Variants in ESRRG observed in about 807,000 individuals in gnomAD.
ESRRG encodes estrogen-related receptor gamma.
In ESRRG, 13 loss-of-function variants were observed where a neutral mutation model predicts 44.0. The observed-to-expected ratio is 0.30, with a 90% confidence interval of 0.19 to 0.47. The LOEUF (loss-of-function observed/expected upper bound fraction) is 0.47. ESRRG is among the 20% of genes least tolerant of loss of function. The pLI, the probability that ESRRG is intolerant of heterozygous loss-of-function variation, is 1.00. For missense variants in ESRRG, 395 were observed against 580.6 expected (o/e 0.68, Z 3.29); for synonymous variants, 215 against 214.6 (o/e 1.00, Z -0.02).
intron 3 of ESRRG, among the ~76,000 whole-genome samples, chr1:216,640,146 A>G (rs946317791): frequency 5.9e-5 from 9 of 152,142 alleles, no homozygotes; most frequent in African/African-American, 2.2e-4. Context: ...TGGCAGTGGC[A>G]GGTCCTGATA....
At chr1:217,137,594 C>G (rs1458247836) in intron 1 of ESRRG, 1 of 152,284 alleles carries the variant, frequency 6.6e-6, no homozygotes, top group African/African-American at 2.4e-5. Context: ...TAAGAGTTCT[C>G]AAAGACGGGG....
intron 1 of ESRRG, among the ~76,000 whole-genome samples, chr1:216,963,220 A>T (rs1472885668): frequency 6.6e-6 from 1 of 152,188 alleles, no homozygotes; most frequent in African/African-American, 2.4e-5. Context: ...TGAGTCTATG[A>T]AATTATAGTG....
At chr1:216,949,098 C>A (rs112929677) in intron 1 of ESRRG, among the ~76,000 whole-genome samples, 4,619 of 152,240 alleles carry the variant, frequency 0.03, 138 homozygotes, top group Admixed American at 0.089. Flanking sequence ...CATGCTGAAG[C>A]TCTAGAATTT....
intron 2 of ESRRG, among the ~76,000 whole-genome samples, chr1:216,734,615 T>A (rs899611275): frequency 6.6e-6 from 1 of 152,202 alleles, no homozygotes; most frequent in Non-Finnish European, 1.5e-5. Flanking sequence ...ATGCTTCTTG[T>A]ACAGTCTGTA....
intron 1 of ESRRG, among the ~76,000 whole-genome samples, chr1:216,708,665 G>T (rs567069705): frequency 5.3e-5 from 8 of 152,150 alleles, no homozygotes; most frequent in Non-Finnish European, 8.8e-5. Flanking sequence ...GTGATTCCTC[G>T]AGGATGTAGA....
chr1:217,029,914 CA>C (rs2081808278), intron 1 of ESRRG, among the ~76,000 whole-genome samples: 1 of 152,194 alleles, frequency 6.6e-6, no homozygotes, highest in Admixed American at 6.5e-5. Context: ...CTCTTTCTTC[CA>C]TTTGCTTTGA....
intron 2 of ESRRG, among the ~76,000 whole-genome samples, chr1:216,904,009 A>G (rs1355069373): frequency 1.3e-5 from 2 of 152,126 alleles, no homozygotes; most frequent in Non-Finnish European, 2.9e-5. Context: ...GAACCTCTTG[A>G]TAATTCAGTA....
chr1:216,756,246 A>G (rs752390609), intron 2 of ESRRG, among the ~76,000 whole-genome samples: 22 of 152,160 alleles, frequency 1.4e-4, no homozygotes, highest in Non-Finnish European at 2.8e-4. Flanking sequence ...TACTGAAAAA[A>G]AGCAATATAT....
chr1:216,534,739 G>A (rs567078426), intron 5 of ESRRG, among the ~76,000 whole-genome samples: 2 of 152,076 alleles, frequency 1.3e-5, no homozygotes, highest in Non-Finnish European at 2.9e-5. Context: ...ATGTAAAAAG[G>A]TCATCTAGGA....
chr1:217,001,425 C>G (rs1470047191), intron 1 of ESRRG, among the ~76,000 whole-genome samples: 1 of 152,218 alleles, frequency 6.6e-6, no homozygotes, highest in African/African-American at 2.4e-5. Context: ...CCCTACTCTT[C>G]CATTAATAAT....
chr1:216,795,741 G>C (rs2094455180), intron 2 of ESRRG, among the ~76,000 whole-genome samples: 1 of 152,112 alleles, frequency 6.6e-6, no homozygotes, highest in South Asian at 2.1e-4. Flanking sequence ...AGAAGGTAAA[G>C]ATTGTGATGT....
At chr1:217,135,994 G>A (rs2093044360) in intron 1 of ESRRG, among the ~76,000 whole-genome samples, 1 of 152,140 alleles carries the variant, frequency 6.6e-6, no homozygotes, top group Admixed American at 6.5e-5. Flanking sequence ...GGGAGAGAGA[G>A]ATGAAATTTA....
At chr1:217,097,232 G>A (rs1273937467) in intron 1 of ESRRG, among the ~76,000 whole-genome samples, 9 of 151,878 alleles carry the variant, frequency 5.9e-5, no homozygotes, top group African/African-American at 1.7e-4. Flanking sequence ...TTCAACCCAT[G>A]AGGATGAGGC....
At chr1:216,775,551 CTTTTTTTTTTTTTTTTTT>C (rs71163765) in intron 2 of ESRRG, among the ~76,000 whole-genome samples, 52 of 74,832 alleles carry the variant, frequency 6.9e-4, no homozygotes, top group South Asian at 2.9e-3. Context: ...AATGTCACAT[CTTTTTTTTTTTTTTTTTT>C]TTTTTTTTTT....
chr1:216,571,508 T>C (rs2060808886), intron 3 of ESRRG, among the ~76,000 whole-genome samples: 1 of 152,166 alleles, frequency 6.6e-6, no homozygotes, highest in Admixed American at 6.6e-5. Context: ...TACATTCCAT[T>C]ACTATGCATT....
intron 2 of ESRRG, among the ~76,000 whole-genome samples, chr1:216,751,430 T>C (rs2813698): frequency 0.9 from 136,171 of 152,144 alleles, 62,836 homozygotes; most frequent in Non-Finnish European, 1. Flanking sequence ...ATTAGAGAAA[T>C]TCCTCCAGTG....
intron 1 of ESRRG, among the ~76,000 whole-genome samples, chr1:216,700,113 C>A (rs1337581520): frequency 2.0e-5 from 2 of 99,982 alleles, no homozygotes; most frequent in African/African-American, 7.0e-5. Context: ...ATACTCCCCG[C>A]AGCCCCGCAC....
At chr1:216,582,145 T>C (rs972725230) in intron 3 of ESRRG, among the ~76,000 whole-genome samples, 6 of 152,370 alleles carry the variant, frequency 3.9e-5, no homozygotes, top group African/African-American at 1.4e-4. Flanking sequence ...TTTGTAGGGC[T>C]TTAAGTATAA....
At chr1:216,765,014 C>T (rs1334006164) in intron 2 of ESRRG, among the ~76,000 whole-genome samples, 4 of 152,000 alleles carry the variant, frequency 2.6e-5, no homozygotes, top group East Asian at 3.9e-4. Flanking sequence ...TTGGTGAGGG[C>T]CGGGGGCAGT....
Sources: allele counts gnomAD v4.1 joint callset (sites outside exome capture counted in the v4.1 genomes callset), GRCh38; gene constraint gnomAD v4.1.1; transcripts MANE v1.5; gene names NCBI Gene and HGNC (gene_info 2026-07-23, HGNC 2026-07-21).